Variants in SHISA9 observed in about 807,000 individuals in gnomAD.
SHISA9 encodes the protein shisa family member 9.
A neutral mutation model predicts 38.0 loss-of-function variants in SHISA9; 13 were observed. The ratio of observed to expected loss-of-function variants is 0.34; its 90% confidence interval spans 0.22 to 0.54. SHISA9 has a LOEUF of 0.54. Among genes scored for constraint, SHISA9 ranks in the 20% least tolerant of loss-of-function variants. SHISA9 has a pLI of 0.91. For missense variants in SHISA9, 538 were observed against 575.8 expected (o/e 0.93, Z 0.67); for synonymous variants, 275 against 242.0 (o/e 1.14, Z -1.27).
the SHISA9 span, among the ~76,000 whole-genome samples, chr16:13,366,908 G>A: frequency 9.9e-5 from 15 of 150,762 alleles, no homozygotes; most frequent in Admixed American, 5.3e-4. Context: ...ACTTGAACCC[G>A]GGAGGTGGAG....
chr16:12,957,846 G>A (rs1021327002), intron 2 of SHISA9, among the ~76,000 whole-genome samples: 8 of 152,042 alleles, frequency 5.3e-5, no homozygotes, highest in African/African-American at 1.7e-4. Flanking sequence ...CCACCTTCTC[G>A]CTGTGTCCTT....
chr16:13,269,744 T>C, the SHISA9 span, among the ~76,000 whole-genome samples: 1 of 152,122 alleles, frequency 6.6e-6, no homozygotes. Context: ...AGAGAAAGAA[T>C]TTAGGAGGCA....
At chr16:13,013,733 CTT>C (rs35548167) in intron 2 of SHISA9, among the ~76,000 whole-genome samples, 1 of 147,298 alleles carries the variant, frequency 6.8e-6, no homozygotes. Context: ...AAAATAATAC[CTT>C]TTTTTTTTTT....
At chr16:13,363,068 T>C in the SHISA9 span, among the ~76,000 whole-genome samples, 1,066 of 152,338 alleles carry the variant, frequency 7.0e-3, 4 homozygotes, top group Non-Finnish European at 0.011. Flanking sequence ...TGCTCGACCA[T>C]GTGATCTACT....
chr16:13,184,539 C>T lies in SHISA9; in HGVS notation c.692-18855C>T, dbSNP rs547648675. On this transcript the variant is annotated intron_variant, in intron 2 of 4. Coordinates refer to ENST00000558583, the MANE Select transcript of SHISA9 (RefSeq NM_001145204.3). ...ATGGTTCTATGAGTTTTGACAAATG[C>T]GTAGAGTGCTGTAACTACCGCTGCA... Among the ~76,000 whole-genome samples, 9 of 152,242 alleles carry T rather than the reference C, an allele frequency of 5.9e-5. No homozygotes were observed. In the East Asian group the frequency reaches 1.3e-3, roughly 23 times the overall value.
the SHISA9 span, among the ~76,000 whole-genome samples, chr16:13,489,995 C>T: frequency 1.5e-3 from 222 of 152,184 alleles, no homozygotes; most frequent in Middle Eastern, 3.4e-3. Context: ...TACCAGGGGT[C>T]TGGTTAAATC....
Position 12,997,027 on chromosome 16 carries a change from A to G in SHISA9, c.691+80212A>G, listed in dbSNP as rs74829907. Among the ~76,000 whole-genome samples, 292 of 152,272 alleles carry G rather than the reference A, an allele frequency of 1.9e-3. 1 individual carries two copies. Among genetic ancestry groups the G allele is most frequent in the African/African-American group, 6.8e-3 (282 of 41,566 alleles). ...AGTGAGATGCACATATCTTAAGTAT[A>G]TAAATCAATAAGTTTTGAAACATGC... is the stretch of plus-strand genomic sequence containing the variant. On this transcript the variant is annotated intron_variant, in intron 2 of 4. Coordinates refer to ENST00000558583, the MANE Select transcript of SHISA9 (RefSeq NM_001145204.3).
chr16:13,116,065 C>A (rs1326640550), intron 2 of SHISA9, among the ~76,000 whole-genome samples: 1 of 152,144 alleles, frequency 6.6e-6, no homozygotes, highest in African/African-American at 2.4e-5. Flanking sequence ...GTAGTGTTAT[C>A]CATGGATTGA....
intron 2 of SHISA9, among the ~76,000 whole-genome samples, chr16:12,959,090 A>G (rs1270737332): frequency 1.3e-5 from 2 of 152,156 alleles, no homozygotes; most frequent in African/African-American, 2.4e-5. Context: ...CCATTGGAGG[A>G]TTTTCCATAG....
chr16:13,155,618 G>A (rs185935586), intron 2 of SHISA9, among the ~76,000 whole-genome samples: 349 of 152,048 alleles, frequency 2.3e-3, no homozygotes, highest in Non-Finnish European at 3.1e-3. Context: ...GTGTGCATAC[G>A]TACATATGCA....
the SHISA9 span, among the ~76,000 whole-genome samples, chr16:13,553,260 G>A: frequency 2.0e-5 from 3 of 152,288 alleles, no homozygotes; most frequent in African/African-American, 7.2e-5. Flanking sequence ...AGAAACTGAG[G>A]CACCAAGAGG....
Position 13,113,209 on chromosome 16 carries a change from C to CAAAAAA in SHISA9, c.692-90166_692-90161dup, listed in dbSNP as rs35316820. Among the ~76,000 whole-genome samples the CAAAAAA allele has an allele frequency of 5.2e-4, 34 of 65,224 alleles. 1 individual carries two copies. The highest frequency in any genetic ancestry group is 1.9e-3 in the African/African-American group (31 of 16,522). The allele number at this position is 65,224 out of a possible 152,430, so 42.8% of individuals were successfully genotyped here. A position where few individuals can be genotyped will look rare whatever the true frequency, so the allele number is the denominator to read the frequency against. On this transcript the variant is annotated intron_variant, in intron 2 of 4. Coordinates refer to ENST00000558583, the MANE Select transcript of SHISA9 (RefSeq NM_001145204.3). ...TGGACAACAGAATGAGACTCCATCT[C>CAAAAAA]AAAAAAAAAAAAAAAAAAAAAAAAT...
chr16:13,203,809 C>T (rs2051031651), intron 3 of SHISA9, among the ~76,000 whole-genome samples: 1 of 151,974 alleles, frequency 6.6e-6, no homozygotes, highest in African/African-American at 2.4e-5. Flanking sequence ...TTCATCCATC[C>T]ACCTATTCAC....
At chr16:13,265,671 C>T in the SHISA9 span, among the ~76,000 whole-genome samples, 2 of 149,890 alleles carry the variant, frequency 1.3e-5, no homozygotes, top group Non-Finnish European at 3.0e-5. Flanking sequence ...AAATATTCAT[C>T]GAGTGCAGTG....
chr16:12,902,584 G>T lies in SHISA9; in HGVS notation c.520G>T (p.Gly174Trp). 6.4e-7 allele frequency: 1 copy of T among 1,551,124 alleles called. No individual in the cohort carries two copies. The highest frequency in any genetic ancestry group is 2.4e-5 in the East Asian group (1 of 40,880). The change falls in exon 1 of 5, where the codon GGG becomes TGG. Residue 174 changes from glycine to tryptophan, a missense_variant. Coordinates refer to ENST00000558583, the MANE Select transcript of SHISA9 (RefSeq NM_001145204.3). ...GCTCGTGGGCATCTTCACCAAGCTG[G>T]GGCTGGAGAAAGCGCACCGGCCCCA... is the stretch of plus-strand genomic sequence containing the variant. Reference protein sequence around the residue: ...MVLVGIFTKLGLEKAHRPQRE... With the variant: ...MVLVGIFTKLWLEKAHRPQRE...
At chr16:13,343,173 G>C in the SHISA9 span, among the ~76,000 whole-genome samples, 1 of 152,072 alleles carries the variant, frequency 6.6e-6, no homozygotes, top group African/African-American at 2.4e-5. Flanking sequence ...TTAGTCAATA[G>C]AGAAACTGGA....
chr16:13,366,126 T>C, the SHISA9 span, among the ~76,000 whole-genome samples: 1 of 152,218 alleles, frequency 6.6e-6, no homozygotes, highest in Non-Finnish European at 1.5e-5. Context: ...AAGGGCCATG[T>C]GTAAAATGAT....
chr16:12,979,317 G>A (rs1409763890), intron 2 of SHISA9, among the ~76,000 whole-genome samples: 1 of 128,624 alleles, frequency 7.8e-6, no homozygotes, highest in Non-Finnish European at 1.6e-5. Flanking sequence ...TTTTTTTTTT[G>A]ACCTTAGGGA....
the SHISA9 span, among the ~76,000 whole-genome samples, chr16:13,523,099 G>A: frequency 6.6e-6 from 1 of 152,102 alleles, no homozygotes; most frequent in African/African-American, 2.4e-5. Flanking sequence ...TGTAATCCTG[G>A]CACTGTGGGA....
Sources: allele counts gnomAD v4.1 joint callset (sites outside exome capture counted in the v4.1 genomes callset), GRCh38; gene constraint gnomAD v4.1.1; transcripts MANE v1.5; gene names NCBI Gene and HGNC (gene_info 2026-07-23, HGNC 2026-07-21).